LGR4: variants seen among roughly 807,000 people sequenced by gnomAD.
LGR4 encodes the protein leucine-rich repeat-containing G protein-coupled receptor 4.
Under a neutral mutation model 84.8 loss-of-function variants are expected in LGR4, and 44 were observed. The ratio of observed to expected loss-of-function variants is 0.52; its 90% CI spans 0.41 to 0.67. The LOEUF (loss-of-function observed/expected upper bound fraction) is 0.67. Among genes scored for constraint, LGR4 ranks in the 30% least tolerant of loss-of-function variants. The pLI is 0.00. For missense variants in LGR4, 1,032 were observed against 1,131.4 expected (o/e 0.91, Z 1.26); for synonymous variants, 429 against 434.3 (o/e 0.99, Z 0.15).
chr11:27,397,979 T>C (rs1290771272), intron 2 of LGR4, among the ~76,000 whole-genome samples: 1 of 152,240 alleles, frequency 6.6e-6, no homozygotes, highest in Non-Finnish European at 1.5e-5. Context: ...CCACTGGATT[T>C]GGAACCATTC....
chr11:27,400,542 G>A lies in LGR4; in HGVS notation c.258-8024C>T, dbSNP rs111776019. On this transcript the variant is annotated intron_variant, in intron 2 of 17. Transcript: ENST00000379214. ...TTTTGAGAAGGAGTCTCACTCTGTC[G>A]CCCAGGCTGGAGTGCAGTGGTGCAA... is the stretch of plus-strand genomic sequence containing the variant. Among the ~76,000 whole-genome samples, 15 of 149,206 alleles carry A rather than the reference G, an allele frequency of 1.0e-4. No homozygotes were observed. In the South Asian group the frequency reaches 1.1e-3, roughly 11 times the overall value.
At chr11:27,393,354 G>T (rs1212428534) in intron 2 of LGR4, among the ~76,000 whole-genome samples, 1 of 152,048 alleles carries the variant, frequency 6.6e-6, no homozygotes, top group Non-Finnish European at 1.5e-5. Flanking sequence ...TGATGATTGT[G>T]TGTTCATATG....
Position 27,368,674 on chromosome 11 carries a change from A to C in LGR4, c.2049T>G (p.His683Gln), listed in dbSNP as rs1027858913. The change falls in exon 18 of 18, where the codon CAT becomes CAG. Residue 683 changes from histidine (H) to glutamine (Q), a missense_variant. By Grantham distance (24) the His-to-Gln change is conservative. Coordinates refer to ENST00000379214, the MANE Select transcript of LGR4 (RefSeq NM_018490.5). ...GGGGTGATGCAGAATATTCCCCTCTATGGAAAAGGGGAAAACAGCCTGCTA... is the reference window on the plus strand; with the variant it reads ...GGGGTGATGCAGAATATTCCCCTCTCTGGAAAAGGGGAAAACAGCCTGCTA... ...ATVAGCFPLF[H>Q]RGEYSASPLC... The C allele has an allele frequency of 6.2e-7, 1 of 1,613,548 alleles. No homozygotes were observed. Among genetic ancestry groups the C allele is most frequent in the African/African-American group, 1.3e-5 (1 of 75,006 alleles).
chr11:27,405,761 C>T (rs998516029), intron 2 of LGR4, among the ~76,000 whole-genome samples: 1 of 152,056 alleles, frequency 6.6e-6, no homozygotes, highest in Non-Finnish European at 1.5e-5. Context: ...TGAATAGGTG[C>T]CCTCCTCCCT....
intron 1 of LGR4, among the ~76,000 whole-genome samples, chr11:27,461,836 A>ATTTTTTTTTTTTTTTTTTTTTTTTTTTT (rs35205372): frequency 3.9e-5 from 3 of 76,558 alleles, no homozygotes; most frequent in Non-Finnish European, 2.3e-5. Flanking sequence ...TTGAGTTAGG[A>ATTTTTTTTTTTTTTTTTTTTTTTTTTTT]TTTTTTTTTT....
At chr11:27,432,568 T>C (rs530068226) in intron 1 of LGR4, among the ~76,000 whole-genome samples, 84 of 152,272 alleles carry the variant, frequency 5.5e-4, no homozygotes, top group Middle Eastern at 3.4e-3. Context: ...AATTGACATA[T>C]AACGAAGAAG....
intron 2 of LGR4, among the ~76,000 whole-genome samples, chr11:27,411,270 G>A (rs1423062054): frequency 9.2e-5 from 14 of 151,938 alleles, no homozygotes; most frequent in Admixed American, 9.2e-4. Context: ...AGCATCTTAA[G>A]GCTTCATAAA....
Position 27,371,619 on chromosome 11 carries a change from T to C in LGR4, c.1575A>G (p.Ser525=). The C allele has an allele frequency of 2.5e-6, 4 of 1,609,244 alleles. No individual in the cohort carries two copies. The highest frequency in any genetic ancestry group is 3.4e-6 in the Non-Finnish European group (4 of 1,176,608). The change falls in exon 17 of 18, where the codon TCA becomes TCG. Residue 525 remains serine (S), a synonymous_variant. Coordinates refer to ENST00000379214, the MANE Select transcript of LGR4 (RefSeq NM_018490.5). The part of the protein sequence containing the change: ...HSQIIIHCTP[S]TGAFKPCEYL... ...GAAAAAATAGGCCAGGCATACCTGTTGAAGGTGTACAATGGATAATTATTT... is the reference window on the plus strand; with the variant it reads ...GAAAAAATAGGCCAGGCATACCTGTCGAAGGTGTACAATGGATAATTATTT...
intron 1 of LGR4, among the ~76,000 whole-genome samples, chr11:27,435,929 G>C (rs76419686): frequency 1.5e-5 from 2 of 129,938 alleles, no homozygotes; most frequent in South Asian, 4.9e-4. Flanking sequence ...TTTTTTTTTT[G>C]AGACGGAGTC....
At chr11:27,455,231 C>A (rs1864552769) in intron 1 of LGR4, among the ~76,000 whole-genome samples, 1 of 152,120 alleles carries the variant, frequency 6.6e-6, no homozygotes, top group South Asian at 2.1e-4. Flanking sequence ...TGGGGTGTTT[C>A]ATTTTTAACA....
At chr11:27,406,827 C>T (rs908209933) in intron 2 of LGR4, among the ~76,000 whole-genome samples, 6 of 152,136 alleles carry the variant, frequency 3.9e-5, no homozygotes, top group Admixed American at 3.9e-4. Flanking sequence ...AACTATTTTG[C>T]TTTTTCTGGG....
intron 1 of LGR4, among the ~76,000 whole-genome samples, chr11:27,458,859 G>A (rs1180777865): frequency 3.9e-5 from 6 of 152,102 alleles, no homozygotes; most frequent in Admixed American, 1.3e-4. Flanking sequence ...AGTTTTGAAA[G>A]TCAGGGAAGC....
intron 1 of LGR4, among the ~76,000 whole-genome samples, chr11:27,443,289 C>T (rs545803732): frequency 6.6e-6 from 1 of 152,324 alleles, no homozygotes; most frequent in South Asian, 2.1e-4. Context: ...TTATTACACA[C>T]TCAAGTAATA....
intron 1 of LGR4, among the ~76,000 whole-genome samples, chr11:27,420,174 A>G (rs1863901934): frequency 6.6e-6 from 1 of 152,154 alleles, no homozygotes; most frequent in Admixed American, 6.6e-5. Flanking sequence ...AAAATAATTC[A>G]TCCTATGTCT....
intron 1 of LGR4, among the ~76,000 whole-genome samples, chr11:27,470,884 A>C (rs554168953): frequency 6.6e-6 from 1 of 152,226 alleles, no homozygotes; most frequent in Non-Finnish European, 1.5e-5. Flanking sequence ...CTTTGCCACC[A>C]CCCACCTGGA....
chr11:27,428,547 A>G (rs2133418006), intron 1 of LGR4, among the ~76,000 whole-genome samples: 1 of 152,344 alleles, frequency 6.6e-6, no homozygotes, highest in South Asian at 2.1e-4. Flanking sequence ...TCTTGCTTGG[A>G]AGTATAAAAA....
In LGR4 at chr11:27,406,379, G is replaced by A. The variant is rs1863609884; in HGVS notation, c.257+6410C>T. On this transcript the variant is annotated intron_variant, in intron 2 of 17. Transcript: ENST00000379214. ...CCCTCTCCACATCTACAGGGGCATA[G>A]GCAGATCTGGGATTGACACCCAGCT... Among the ~76,000 whole-genome samples, 3 of 152,066 alleles carry A rather than the reference G, an allele frequency of 2.0e-5. No homozygotes were observed. The South Asian group carries it at 6.2e-4, about 31-fold the overall frequency.
At position 27,376,316 on chromosome 11, in the gene LGR4, C is replaced by T; in HGVS notation, c.1164G>A (p.Leu388=). 6.3e-7 allele frequency: 1 copy of T among 1,579,566 alleles called. No homozygotes were observed. Among genetic ancestry groups the T allele is most frequent in the Non-Finnish European group, 8.7e-7 (1 of 1,154,578 alleles). ...YQIKEGTFQG[L]ISLRILDLSR... ...AAACTTACAGAATCCTTAGAGATAT[C>T]AGGCCTTGAAAGGTGCCTTCCTTTA... is the stretch of plus-strand genomic sequence containing the variant. Residue 388 remains leucine, a synonymous_variant, in exon 13 of 18, where the codon CTG becomes CTA. Coordinates refer to ENST00000379214, the MANE Select transcript of LGR4 (RefSeq NM_018490.5).
At chr11:27,373,843 A>G in intron 14 of LGR4, 132 bp downstream of exon 14, 1 of 989,894 alleles carries the variant, frequency 1.0e-6, no homozygotes, top group South Asian at 1.5e-5. Flanking sequence ...GACTTTTACT[A>G]TAAATACAGC....
Sources: allele counts gnomAD v4.1 joint callset (sites outside exome capture counted in the v4.1 genomes callset), GRCh38; gene constraint gnomAD v4.1.1; transcripts MANE v1.5; gene names NCBI Gene and HGNC (gene_info 2026-07-23, HGNC 2026-07-21).